The following TMEFF1 variants were observed in gnomAD, a reference collection of about 807,000 sequenced individuals.
TMEFF1 encodes the protein transmembrane protein with EGF like and two follistatin like domains 1.
TMEFF1 carries 20 observed loss-of-function variants against 47.5 expected under a neutral mutation model. That is an observed-to-expected ratio of 0.42 (90% CI 0.30 to 0.61). The LOEUF (loss-of-function observed/expected upper bound fraction) is 0.61, where lower values mean the gene tolerates loss of function less well. Among genes scored for constraint, TMEFF1 ranks in the 20% least tolerant of loss-of-function variants. The probability of loss-of-function intolerance (pLI) is 0.19; values close to 1 mark genes in which losing one functional copy is unlikely to be tolerated. For synonymous variants in TMEFF1, 162 were observed against 166.3 expected (o/e 0.97, Z 0.20); for missense variants, 411 against 471.1 (o/e 0.87, Z 1.18).
intron 1 of TMEFF1, among the ~76,000 whole-genome samples, chr9:100,492,304 T>C (rs1017921935): frequency 2.0e-5 from 3 of 152,260 alleles, no homozygotes; most frequent in African/African-American, 7.2e-5. Flanking sequence ...GTAGGTTTTT[T>C]TTAAAAAGTA....
At chr9:100,509,454 G>GGATC (rs1264747062) in intron 3 of TMEFF1, among the ~76,000 whole-genome samples, 1 of 152,056 alleles carries the variant, frequency 6.6e-6, no homozygotes, top group Non-Finnish European at 1.5e-5. Context: ...GAATGATAGG[G>GGATC]GATCTGTCTT....
chr9:100,518,472 A>G (rs1838109426), intron 5 of TMEFF1: 2 of 985,342 alleles, frequency 2.0e-6, no homozygotes, highest in Non-Finnish European at 2.4e-6. Flanking sequence ...GGGCTTACCA[A>G]TAGTAAGGAG....
intron 8 of TMEFF1, among the ~76,000 whole-genome samples, chr9:100,564,664 C>T (rs189099861): frequency 6.6e-6 from 1 of 152,202 alleles, no homozygotes; most frequent in Non-Finnish European, 1.5e-5. Context: ...TTGGGCCATC[C>T]CAGGAGCTTG....
At chr9:100,553,905 C>T (rs1353529962) in intron 7 of TMEFF1, among the ~76,000 whole-genome samples, 2 of 152,144 alleles carry the variant, frequency 1.3e-5, no homozygotes, top group Non-Finnish European at 2.9e-5. Context: ...GAATATACTT[C>T]ACATATACCA....
intron 1 of TMEFF1, among the ~76,000 whole-genome samples, chr9:100,485,236 A>G (rs1837426803): frequency 1.3e-5 from 2 of 152,008 alleles, no homozygotes; most frequent in Non-Finnish European, 1.5e-5. Flanking sequence ...TTACTTTTTG[A>G]CTATTATGAA....
At chr9:100,562,435 T>C (rs1248310847) in intron 8 of TMEFF1, among the ~76,000 whole-genome samples, 1 of 152,056 alleles carries the variant, frequency 6.6e-6, no homozygotes, top group Non-Finnish European at 1.5e-5. Context: ...TCACCTGCCT[T>C]TCTCCTGCTT....
At chr9:100,541,347 C>CGTTTTTTTTTTTTTTTTTTTTTT (rs748303966) in intron 5 of TMEFF1, among the ~76,000 whole-genome samples, 2 of 131,440 alleles carry the variant, frequency 1.5e-5, no homozygotes, top group Admixed American at 7.4e-5. Flanking sequence ...TTGGCAATTT[C>CGTTTTTTTTTTTTTTTTTTTTTT]ATTTTTTTTT....
chr9:100,575,785 C>T (rs545039021), intron 9 of TMEFF1, among the ~76,000 whole-genome samples: 2 of 151,326 alleles, frequency 1.3e-5, no homozygotes, highest in Admixed American at 1.3e-4. Context: ...TTCGTCTTAG[C>T]CCCCTTACTC....
In TMEFF1 at chr9:100,473,340, G is replaced by T. The variant is rs564804329; in HGVS notation, c.-205G>T. On this transcript the variant is annotated 5_prime_UTR_variant, in exon 1 of 10. Transcript: ENST00000374879. The surrounding 1 kb of genome is among the most constrained non-coding windows in gnomAD (Gnocchi z 5.4). ...TTGCGCGCCCGCGACCCTCGCACGCGCCCGGACCCGCCGACTCCGTCCCGA... is the reference window on the plus strand; with the variant it reads ...TTGCGCGCCCGCGACCCTCGCACGCTCCCGGACCCGCCGACTCCGTCCCGA... 1.8e-4 allele frequency: 45 copies of T among 246,178 alleles called. No homozygotes were observed. Among genetic ancestry groups the T allele is most frequent in the African/African-American group, 9.7e-4 (42 of 43,510 alleles). The allele number at this position is 246,178 out of a possible 1,614,324, so 15.2% of individuals were successfully genotyped here.
chr9:100,556,210 G>A (rs888545542), intron 7 of TMEFF1, among the ~76,000 whole-genome samples: 1 of 152,020 alleles, frequency 6.6e-6, no homozygotes, highest in Admixed American at 6.6e-5. Context: ...CAAACTTCTG[G>A]AACTACCATA....
intron 1 of TMEFF1, among the ~76,000 whole-genome samples, chr9:100,484,833 G>A (rs917315837): frequency 1.3e-5 from 2 of 151,012 alleles, no homozygotes; most frequent in Non-Finnish European, 2.9e-5. Context: ...GCCTGTCACT[G>A]CGCCTGGCTA....
intron 8 of TMEFF1, among the ~76,000 whole-genome samples, chr9:100,565,489 G>A (rs190681955): frequency 4.1e-4 from 63 of 152,196 alleles, no homozygotes; most frequent in Non-Finnish European, 6.5e-4. Context: ...CGGTTAACTC[G>A]TCTCACTGAC....
At chr9:100,514,692 A>C (rs1318900022) in intron 4 of TMEFF1, among the ~76,000 whole-genome samples, 25 of 89,626 alleles carry the variant, frequency 2.8e-4, no homozygotes, top group South Asian at 2.7e-3. Flanking sequence ...CTCTACCCCA[A>C]AAAAAAAAAA....
chr9:100,527,673 C>T (rs1169674228), intron 5 of TMEFF1, among the ~76,000 whole-genome samples: 7 of 152,218 alleles, frequency 4.6e-5, no homozygotes, highest in South Asian at 2.1e-4. Flanking sequence ...GAGGGGCACC[C>T]GCCATTGCCC....
At chr9:100,532,400 AAAC>A (rs1193553577) in intron 5 of TMEFF1, among the ~76,000 whole-genome samples, 2 of 152,228 alleles carry the variant, frequency 1.3e-5, no homozygotes, top group Admixed American at 1.3e-4. Flanking sequence ...TACAAGAAAA[AAAC>A]AACCCCATCA....
intron 1 of TMEFF1, among the ~76,000 whole-genome samples, chr9:100,494,091 C>T (rs1472700027): frequency 6.6e-6 from 1 of 151,456 alleles, no homozygotes; most frequent in Non-Finnish European, 1.5e-5. Context: ...GGCTGAGGCC[C>T]AGCTATTTGG....
At chr9:100,534,703 A>C (rs1314194204) in intron 5 of TMEFF1, among the ~76,000 whole-genome samples, 1 of 152,210 alleles carries the variant, frequency 6.6e-6, no homozygotes, top group Non-Finnish European at 1.5e-5. Flanking sequence ...TCTTAGATGC[A>C]GTGGTACCAT....
At chr9:100,483,728 C>G (rs1438376201) in intron 1 of TMEFF1, among the ~76,000 whole-genome samples, 2 of 151,922 alleles carry the variant, frequency 1.3e-5, no homozygotes, top group Non-Finnish European at 2.9e-5. Flanking sequence ...GATTTTACCA[C>G]ATTTGCTTTA....
Position 100,473,844 on chromosome 9 carries a change from T to TC in TMEFF1, c.196+107dup. ...GCTGGGAAAGACCCCGTCGTGGGGGTCCCAGGGGTGGGCCCGAGGGTGAGC... is the reference window on the plus strand; with the variant it reads ...GCTGGGAAAGACCCCGTCGTGGGGGTCCCCAGGGGTGGGCCCGAGGGTGAGC... On this transcript the variant is annotated intron_variant, in intron 1 of 9. Coordinates refer to ENST00000374879, the MANE Select transcript of TMEFF1 (RefSeq NM_003692.5). The surrounding 1 kb of genome is among the most constrained non-coding windows in gnomAD (Gnocchi z 5.4). 1 of 1,315,092 alleles carries TC rather than the reference T, an allele frequency of 7.6e-7. No homozygotes were observed. Among genetic ancestry groups the TC allele is most frequent in the Non-Finnish European group, 9.9e-7 (1 of 1,015,114 alleles). 81.5% of individuals were successfully genotyped at this position (1,315,092 alleles called of 1,614,324 possible). A position where few individuals can be genotyped will look rare whatever the true frequency, so the allele number is the denominator to read the frequency against.
Sources: allele counts gnomAD v4.1 joint callset (sites outside exome capture counted in the v4.1 genomes callset), GRCh38; gene constraint gnomAD v4.1.1; non-coding constraint Gnocchi (gnomAD v3.1); transcripts MANE v1.5; gene names NCBI Gene and HGNC (gene_info 2026-07-23, HGNC 2026-07-21).